CCDC187: variants seen among roughly 807,000 people sequenced by gnomAD.
CCDC187 encodes coiled-coil domain-containing protein 187.
Under a neutral mutation model 38.0 loss-of-function variants are expected in CCDC187, and 32 were observed. The observed-to-expected ratio is 0.84, with a 90% CI of 0.64 to 1.13. CCDC187 has a LOEUF of 1.13. Among genes scored for constraint, CCDC187 ranks in the 50% most tolerant of loss-of-function variants. The probability of loss-of-function intolerance (pLI) is 0.00; values close to 1 mark genes in which losing one functional copy is unlikely to be tolerated. For synonymous variants in CCDC187, 333 were observed against 347.9 expected (o/e 0.96, Z 0.48); for missense variants, 707 against 786.8 (o/e 0.90, Z 1.21).
intron 21 of CCDC187, 44 bp from the exon 22 acceptor site, chr9:136,259,045 G>A (rs1830649437): frequency 1.0e-6 from 1 of 985,874 alleles, no homozygotes; most frequent in Non-Finnish European, 1.2e-6. Flanking sequence ...GGCCCTGAAG[G>A]GAGGGCACCA....
At chr9:136,276,071 T>G (rs950581341) in intron 12 of CCDC187, 123 bp downstream of exon 12, 17 of 152,290 alleles carry the variant, frequency 1.1e-4, no homozygotes, top group African/African-American at 4.1e-4. Flanking sequence ...CTGGCTTGCC[T>G]CCTCTTGACG....
At chr9:136,263,241 T>C (rs1830700921) in intron 18 of CCDC187, among the ~76,000 whole-genome samples, 1 of 147,498 alleles carries the variant, frequency 6.8e-6, no homozygotes, top group African/African-American at 2.5e-5. Context: ...CAGGCTTTTT[T>C]TTTTTTTTTT....
chr9:136,293,377 TCACA>T (rs1258082746), intron 4 of CCDC187, among the ~76,000 whole-genome samples: 4 of 107,876 alleles, frequency 3.7e-5, no homozygotes, highest in African/African-American at 1.1e-4. Flanking sequence ...GCTCACACAC[TCACA>T]CTCACATGCT....
At position 136,250,405 on chromosome 9, in the gene CCDC187, G is replaced by A. The variant is rs1830520963; in HGVS notation, c.*3189C>T. On this transcript the variant is annotated 3_prime_UTR_variant, in exon 26 of 26. Coordinates refer to ENST00000638797, the MANE Select transcript of CCDC187 (RefSeq NM_001378188.1). Reference sequence around the variant, plus strand: ...GCACGTCAGCACCAACCACGTGGCAGCGAGCCTGGGAGCCATCAGATTCGC... The same window carrying A: ...GCACGTCAGCACCAACCACGTGGCAACGAGCCTGGGAGCCATCAGATTCGC... The A allele has an allele frequency of 3.5e-6, 1 of 285,606 alleles. No individual in the cohort carries two copies. Among genetic ancestry groups the A allele is most frequent in the East Asian group, 9.9e-5 (1 of 10,140 alleles). 17.7% of individuals were successfully genotyped at this position (285,606 alleles called of 1,614,324 possible). A position where few individuals can be genotyped will look rare whatever the true frequency, so the allele number is the denominator to read the frequency against.
intron 17 of CCDC187, 41 bp from the exon 18 acceptor site, chr9:136,263,839 G>C: frequency 2.0e-6 from 2 of 983,952 alleles, no homozygotes; most frequent in Non-Finnish European, 2.4e-6. Flanking sequence ...TAACCCCGGA[G>C]CCAGCAGGGG....
intron 4 of CCDC187, among the ~76,000 whole-genome samples, chr9:136,293,520 C>T (rs1831433104): frequency 1.2e-5 from 1 of 82,778 alleles, no homozygotes; most frequent in Non-Finnish European, 2.6e-5. Context: ...CACACATGCT[C>T]ACATACACGC....
Position 136,262,382 on chromosome 9 carries a change from CAG to C in CCDC187, c.3991_3992del (p.Leu1331AspfsTer28). 1 of 986,296 alleles carries C rather than the reference CAG, an allele frequency of 1.0e-6. No individual in the cohort carries two copies. The highest frequency in any genetic ancestry group is 1.2e-6 in the Non-Finnish European group (1 of 830,576). The allele number at this position is 986,296 out of a possible 1,614,324, so 61.1% of individuals were successfully genotyped here. A position where few individuals can be genotyped will look rare whatever the true frequency, so the allele number is the denominator to read the frequency against. Reference sequence around the variant, plus strand: ...TGGAGCTGCTGGGCCTGCATGGGGTCAGGGGACACAGGGAGGCCTCTGGCTGC... The same window carrying C: ...TGGAGCTGCTGGGCCTGCATGGGGTCGGGACACAGGGAGGCCTCTGGCTGC... ...SQQPEASLCPLTPCRPSSSTS... is the reference protein window; with the variant it reads ...SQQPEASLCPXTPCRPSSSTS... On this transcript the variant is annotated frameshift_variant, in exon 19 of 26. Transcript: ENST00000638797. LOFTEE classifies it high-confidence loss of function.
At chr9:136,259,471 T>G (rs1272172448) in intron 20 of CCDC187, 23 bp from the exon 21 acceptor site, 2 of 971,588 alleles carry the variant, frequency 2.1e-6, no homozygotes, top group South Asian at 4.8e-5. Context: ...ATCCCAGGAG[T>G]CACCAGCAGC....
chr9:136,284,821 C>T (rs1588664395), intron 9 of CCDC187, among the ~76,000 whole-genome samples: 1 of 152,038 alleles, frequency 6.6e-6, no homozygotes, highest in South Asian at 2.1e-4. Flanking sequence ...CTTAGGTGCT[C>T]GGGAGGGAGC....
chr9:136,265,292 C>A (rs781906342), intron 17 of CCDC187, among the ~76,000 whole-genome samples: 2 of 152,164 alleles, frequency 1.3e-5, no homozygotes, highest in African/African-American at 4.8e-5. Flanking sequence ...CCCCCAGCAC[C>A]GACTTTCCCT....
Position 136,250,512 on chromosome 9 carries a change from G to A in CCDC187, c.*3082C>T, listed in dbSNP as rs1378434746. On this transcript the variant is annotated 3_prime_UTR_variant, in exon 26 of 26. Transcript: ENST00000638797. ...GTGAGATACATAATTCCTCTCACAC[G>A]GCCTCATAAATCCAAAAGGGTCAGC... The A allele has an allele frequency of 1.7e-5, 6 of 345,262 alleles. No homozygotes were observed. The highest frequency in any genetic ancestry group is 7.7e-5 in the East Asian group (1 of 13,018). The allele number at this position is 345,262 out of a possible 1,614,324, so 21.4% of individuals were successfully genotyped here. A position where few individuals can be genotyped will look rare whatever the true frequency, so the allele number is the denominator to read the frequency against.
rs568404740 is a variant in CCDC187 at position 136,256,258 on chromosome 9, G to C, written c.4569C>G (p.Pro1523=). 2.0e-6 allele frequency: 2 copies of C among 985,538 alleles called. No homozygotes were observed. The highest frequency in any genetic ancestry group is 2.4e-6 in the Non-Finnish European group (2 of 830,044). 61.0% of individuals were successfully genotyped at this position (985,538 alleles called of 1,614,324 possible). The change falls in exon 24 of 26, where the codon CCC becomes CCG. Residue 1523 remains proline, a synonymous_variant. Transcript: ENST00000638797. Reference sequence around the variant, plus strand: ...TCTCGGTTTCCTGGGACTCCTCCACGGGGCTCTCAGCAAAATCCAGCCCCG... The same window carrying C: ...TCTCGGTTTCCTGGGACTCCTCCACCGGGCTCTCAGCAAAATCCAGCCCCG... The part of the protein sequence containing the change: ...LESGLDFAES[P]VEESQETESW...
At chr9:136,294,206 A>T (rs1313064945) in intron 4 of CCDC187, among the ~76,000 whole-genome samples, 1 of 145,668 alleles carries the variant, frequency 6.9e-6, no homozygotes, top group Non-Finnish European at 1.5e-5. Context: ...GTGCTCTCAC[A>T]CACACTCACA....
At position 136,254,347 on chromosome 9, in the gene CCDC187, G is replaced by A. The variant is rs1029024590; in HGVS notation, c.5481C>T (p.Ser1827=). The change falls in exon 26 of 26, where the codon AGC becomes AGT. Residue 1827 remains serine (S), a synonymous_variant. Transcript: ENST00000638797. ...GAAGAGCCACCTGGGGCTCCATGCCGCTTCTGACACCCCCTTTCAGGCTCT... is the reference window on the plus strand; with the variant it reads ...GAAGAGCCACCTGGGGCTCCATGCCACTTCTGACACCCCCTTTCAGGCTCT... ...TSESLKGGVR[S]GMEPQVALPS... is the part of the protein sequence containing the mutation. The A allele has an allele frequency of 1.0e-5, 10 of 983,802 alleles. No individual in the cohort carries two copies. The highest frequency in any genetic ancestry group is 9.4e-5 in the South Asian group (2 of 21,222). 60.9% of individuals were successfully genotyped at this position (983,802 alleles called of 1,614,324 possible). A position where few individuals can be genotyped will look rare whatever the true frequency, so the allele number is the denominator to read the frequency against.
intron 10 of CCDC187, among the ~76,000 whole-genome samples, chr9:136,277,423 CTGAGGGGG>C (rs1483991470): frequency 1.1e-5 from 1 of 91,112 alleles, no homozygotes; most frequent in Admixed American, 1.4e-4. Flanking sequence ...TGGGTGGGTG[CTGAGGGGG>C]TGAGTGGGTG....
At chr9:136,278,190 A>G (rs2131229480) in intron 10 of CCDC187, among the ~76,000 whole-genome samples, 1 of 152,320 alleles carries the variant, frequency 6.6e-6, no homozygotes, top group East Asian at 1.9e-4. Context: ...CTTTTGTTTC[A>G]TGGCCCTGAG....
intron 4 of CCDC187, among the ~76,000 whole-genome samples, chr9:136,293,194 C>T (rs1242603210): frequency 1.3e-5 from 2 of 149,312 alleles, no homozygotes; most frequent in South Asian, 2.2e-4. Flanking sequence ...CTCACATGCT[C>T]ACACACTCAC....
intron 17 of CCDC187, 167 bp downstream of exon 17, chr9:136,265,789 G>T: frequency 5.3e-6 from 1 of 187,242 alleles, no homozygotes; most frequent in Non-Finnish European, 1.0e-5. Context: ...CTTGGGCCGT[G>T]GACACTCCTT....
intron 24 of CCDC187, 38 bp downstream of exon 24, chr9:136,256,173 C>T: frequency 1.0e-6 from 1 of 971,216 alleles, no homozygotes; most frequent in Non-Finnish European, 1.2e-6. Flanking sequence ...CTCCGTGCCT[C>T]ACGCTCCACC....
Sources: gnomAD v4.1 joint callset for allele counts (sites outside exome capture counted in the v4.1 genomes callset) on GRCh38, gnomAD v4.1.1 for gene constraint, MANE v1.5 for transcripts, NCBI Gene and HGNC (gene_info 2026-07-23, HGNC 2026-07-21) for gene names.